The following MAP3K4 variants were observed in gnomAD, a reference collection of about 807,000 sequenced individuals.
MAP3K4 encodes MAP three kinase 1.
A neutral mutation model predicts 185.6 loss-of-function variants in MAP3K4; 67 were observed. The ratio of observed to expected loss-of-function variants is 0.36; its 90% CI spans 0.30 to 0.44. The LOEUF is 0.44. Among genes scored for constraint, MAP3K4 ranks in the 20% least tolerant of loss-of-function variants. The pLI is 1.00. For missense variants in MAP3K4, 1,551 were observed against 1,995.1 expected (o/e 0.78, Z 4.24); for synonymous variants, 702 against 710.4 (o/e 0.99, Z 0.19).
chr6:161,112,660 T>G lies in MAP3K4; in HGVS notation c.4520-8T>G, dbSNP rs1023454342. 1.3e-6 allele frequency: 2 copies of G among 1,555,338 alleles called. No homozygotes were observed. Among genetic ancestry groups the G allele is most frequent in the Admixed American group, 4.1e-5 (2 of 48,326 alleles). ...CCATTACTCTCAACATATCTGTGAC[T>G]TTTAAAGCATACATGGCACCTGAAG... On this transcript the variant is annotated splice_polypyrimidine_tract_variant and splice_region_variant and intron_variant, in intron 24 of 26. Transcript: ENST00000392142. The surrounding 1 kb of genome is among the most constrained non-coding windows in gnomAD (Gnocchi z 5.1).
Position 161,087,770 on chromosome 6 carries a change from T to C in MAP3K4, c.2639T>C (p.Leu880Pro). The C allele has an allele frequency of 6.2e-7, 1 of 1,613,500 alleles. No homozygotes were observed. The highest frequency in any genetic ancestry group is 8.5e-7 in the Non-Finnish European group (1 of 1,179,392). The part of the protein sequence containing the change: ...AEEKSIILQL[L>P]NAAAGKDCSK... ...GAGAAGAGTATTATTTTGCAGTTACTCAATGCAGCTGCAGGAAAGGACTGT... is the reference window on the plus strand; with the variant it reads ...GAGAAGAGTATTATTTTGCAGTTACCCAATGCAGCTGCAGGAAAGGACTGT... Residue 880 changes from leucine (L) to proline (P), a missense_variant, in exon 10 of 27, where the codon CTC becomes CCC. Transcript: ENST00000392142. The surrounding 1 kb of genome is among the most constrained non-coding windows in gnomAD (Gnocchi z 4.9).
At chr6:161,029,530 A>G (rs1482058698) in intron 1 of MAP3K4, among the ~76,000 whole-genome samples, 1 of 152,226 alleles carries the variant, frequency 6.6e-6, no homozygotes, top group African/African-American at 2.4e-5. Flanking sequence ...GCAGGGTTTT[A>G]TGGTAAAAGA....
Position 161,117,103 on chromosome 6 carries a change from A to T in MAP3K4, c.*233A>T. The T allele has an allele frequency of 1.8e-6, 1 of 570,422 alleles. No individual in the cohort carries two copies. The highest frequency in any genetic ancestry group is 3.2e-5 in the Admixed American group (1 of 31,468). 35.3% of individuals were successfully genotyped at this position (570,422 alleles called of 1,614,324 possible). A position where few individuals can be genotyped will look rare whatever the true frequency, so the allele number is the denominator to read the frequency against. On this transcript the variant is annotated 3_prime_UTR_variant, in exon 27 of 27. Coordinates refer to ENST00000392142, the MANE Select transcript of MAP3K4 (RefSeq NM_005922.4). Reference sequence around the variant, plus strand: ...AAGCTGCATGTTAAGTGCCATTACTACTGTACACGGACCATCGCCTCTGTC... The same window carrying T: ...AAGCTGCATGTTAAGTGCCATTACTTCTGTACACGGACCATCGCCTCTGTC...
rs191762229 is a variant in MAP3K4, at chr6:161,057,871, A to G, written c.1707+7892A>G. On this transcript the variant is annotated intron_variant, in intron 3 of 26. Coordinates refer to ENST00000392142, the MANE Select transcript of MAP3K4 (RefSeq NM_005922.4). ...TCTGTTTTCTTAAACATACAAACAT[A>G]CAAAGGAAAGTAGGAAGTTGTGTAC... 3.2e-3 allele frequency among the ~76,000 whole-genome samples: 482 copies of G among 152,368 alleles called. 4 individuals carry two copies. Among genetic ancestry groups the G allele is most frequent in the Non-Finnish European group, 3.5e-3 (241 of 68,022 alleles).
In MAP3K4 at chr6:161,049,779, T is replaced by C. The variant is rs748131373; in HGVS notation, c.1507T>C (p.Ser503Pro). The C allele has an allele frequency of 6.2e-7, 1 of 1,614,164 alleles. No homozygotes were observed. Among genetic ancestry groups the C allele is most frequent in the South Asian group, 1.1e-5 (1 of 91,078 alleles). Residue 503 changes from serine to proline, a missense_variant, in exon 3 of 27, where the codon TCT becomes CCT. Coordinates refer to ENST00000392142, the MANE Select transcript of MAP3K4 (RefSeq NM_005922.4). This position sits in a 1 kb window ranked among gnomAD's most constrained non-coding sequence, Gnocchi z 8.4. The part of the protein sequence containing the change: ...KLERLESEDD[S>P]LGWGAPDWST... Reference sequence around the variant, plus strand: ...TGAGAGGCTCGAATCTGAGGATGATTCTCTTGGCTGGGGAGCACCAGACTG... The same window carrying C: ...TGAGAGGCTCGAATCTGAGGATGATCCTCTTGGCTGGGGAGCACCAGACTG...
intron 1 of MAP3K4, among the ~76,000 whole-genome samples, chr6:161,026,139 T>C (rs954651817): frequency 6.7e-6 from 1 of 148,342 alleles, no homozygotes; most frequent in Non-Finnish European, 1.5e-5. Context: ...AAGGCTTTGC[T>C]TTTTTTTTTG....
At chr6:161,014,610 A>G (rs532270157) in intron 1 of MAP3K4, among the ~76,000 whole-genome samples, 104 of 152,342 alleles carry the variant, frequency 6.8e-4, no homozygotes, top group African/African-American at 2.4e-3. Context: ...CTTAAAGCAC[A>G]TATATTTGAA....
chr6:161,102,824 A>AC (rs1554286507), intron 19 of MAP3K4, 45 bp downstream of exon 19: 1 of 1,103,830 alleles, frequency 9.1e-7, no homozygotes, highest in South Asian at 1.6e-5. Flanking sequence ...AAAAAAAAAA[A>AC]CACGATTACA....
chr6:161,021,021 AAAATT>A (rs1469559551), intron 1 of MAP3K4, among the ~76,000 whole-genome samples: 7 of 152,278 alleles, frequency 4.6e-5, no homozygotes, highest in Admixed American at 4.6e-4. Flanking sequence ...TTTTTCTTCT[AAAATT>A]TTTTAGACTC....
intron 1 of MAP3K4, among the ~76,000 whole-genome samples, chr6:161,019,064 G>A (rs954213169): frequency 2.2e-4 from 33 of 152,176 alleles, no homozygotes; most frequent in African/African-American, 7.2e-4. Flanking sequence ...AGTGTCAGGC[G>A]GTTAGCGTGT....
In MAP3K4 at chr6:161,080,297, T is replaced by G. The variant is rs955993292; in HGVS notation, c.2098-584T>G. 6.6e-6 allele frequency among the ~76,000 whole-genome samples: 1 copy of G among 152,184 alleles called. No homozygotes were observed. Among genetic ancestry groups the G allele is most frequent in the Non-Finnish European group, 1.5e-5 (1 of 68,038 alleles). On this transcript the variant is annotated intron_variant, in intron 5 of 26. Transcript: ENST00000392142. This position sits in a 1 kb window ranked among gnomAD's most constrained non-coding sequence, Gnocchi z 4.8. ...ACCACGGGATAAATCTAAAGGAGGA[T>G]TTAAGAACGGGAAAGCTGTTGTAAT...
In MAP3K4 at chr6:161,085,565, A is replaced by C. The variant is rs1438616939; in HGVS notation, c.2373-814A>C. Among the ~76,000 whole-genome samples, 7 of 152,320 alleles carry C rather than the reference A, an allele frequency of 4.6e-5. No homozygotes were observed. The East Asian group carries it at 1.2e-3, about 25-fold the overall frequency. On this transcript the variant is annotated intron_variant, in intron 7 of 26. Coordinates refer to ENST00000392142, the MANE Select transcript of MAP3K4 (RefSeq NM_005922.4). ...CGAAAATGTTTTCGCTCACCATTCA[A>C]GGTTTGATGAAAAACACATTTTGAG...
intron 1 of MAP3K4, among the ~76,000 whole-genome samples, chr6:160,994,994 T>C (rs966207658): frequency 6.6e-6 from 1 of 152,214 alleles, no homozygotes; most frequent in Admixed American, 6.5e-5. Context: ...CCACTGCGCC[T>C]GGCCAGTTTT....
chr6:160,993,666 A>C (rs1175553587), intron 1 of MAP3K4, among the ~76,000 whole-genome samples: 1 of 152,140 alleles, frequency 6.6e-6, no homozygotes, highest in African/African-American at 2.4e-5. Context: ...GGACATGAGC[A>C]TTCTTAGGTA....
At chr6:160,995,334 T>G (rs545754308) in intron 1 of MAP3K4, among the ~76,000 whole-genome samples, 3 of 152,246 alleles carry the variant, frequency 2.0e-5, no homozygotes, top group Non-Finnish European at 2.9e-5. Flanking sequence ...AAAACTCTGT[T>G]TGCCATCTTT....
chr6:161,073,344 T>G lies in MAP3K4; in HGVS notation c.1951-122T>G. On this transcript the variant is annotated intron_variant, in intron 4 of 26. Coordinates refer to ENST00000392142, the MANE Select transcript of MAP3K4 (RefSeq NM_005922.4). This position sits in a 1 kb window ranked among gnomAD's most constrained non-coding sequence, Gnocchi z 4.2. ...AACTGATCAAGAATCTAGAAACTAT[T>G]GTAGGTTTTTTAGAGGCAAGGTTCC... 1 of 842,872 alleles carries G rather than the reference T, an allele frequency of 1.2e-6. No homozygotes were observed. Among genetic ancestry groups the G allele is most frequent in the Non-Finnish European group, 1.8e-6 (1 of 568,658 alleles). The allele number at this position is 842,872 out of a possible 1,614,324, so 52.2% of individuals were successfully genotyped here.
intron 3 of MAP3K4, among the ~76,000 whole-genome samples, chr6:161,065,515 C>G (rs770301351): frequency 1.3e-4 from 20 of 152,188 alleles, no homozygotes; most frequent in Non-Finnish European, 2.2e-4. Context: ...ATATTTCATT[C>G]TAGAACTCGA....
chr6:161,106,755 C>A lies in MAP3K4; in HGVS notation c.4048+50C>A. 7.0e-7 allele frequency: 1 copy of A among 1,435,328 alleles called. No individual in the cohort carries two copies. Among genetic ancestry groups the A allele is most frequent in the South Asian group, 1.3e-5 (1 of 76,840 alleles). 88.9% of individuals were successfully genotyped at this position (1,435,328 alleles called of 1,614,324 possible). A position where few individuals can be genotyped will look rare whatever the true frequency, so the allele number is the denominator to read the frequency against. On this transcript the variant is annotated intron_variant, in intron 20 of 26. Transcript: ENST00000392142. This position sits in a 1 kb window ranked among gnomAD's most constrained non-coding sequence, Gnocchi z 4.9. ...TCAAGATAGTCCCTGTTAGAAGTAG[C>A]AATAGTTATACTTCTTTAGGTTGAA...
chr6:161,071,025 T>C lies in MAP3K4; in HGVS notation c.1950+175T>C, dbSNP rs549384556. On this transcript the variant is annotated intron_variant, in intron 4 of 26. Coordinates refer to ENST00000392142, the MANE Select transcript of MAP3K4 (RefSeq NM_005922.4). This position sits in a 1 kb window ranked among gnomAD's most constrained non-coding sequence, Gnocchi z 4.6. ...AGGGTAATTAAAAATGTTCTTTATA[T>C]GCGGTCCTCAAAGGTAAGATTGTGG... Among the ~76,000 whole-genome samples, 1 of 152,338 alleles carries C rather than the reference T, an allele frequency of 6.6e-6. No individual in the cohort carries two copies. Among genetic ancestry groups the C allele is most frequent in the South Asian group, 2.1e-4 (1 of 4,828 alleles).
Sources: gnomAD v4.1 joint callset for allele counts (sites outside exome capture counted in the v4.1 genomes callset) on GRCh38, gnomAD v4.1.1 for gene constraint, Gnocchi (gnomAD v3.1) non-coding constraint, MANE v1.5 for transcripts, NCBI Gene and HGNC (gene_info 2026-07-23, HGNC 2026-07-21) for gene names.